Variants in TMEM178A observed in about 807,000 individuals in gnomAD.
TMEM178A encodes transmembrane protein 178A.
TMEM178A carries 12 observed loss-of-function variants against 29.1 expected under a neutral mutation model. The observed-to-expected ratio is 0.41, with a 90% CI of 0.26 to 0.67. TMEM178A has a LOEUF of 0.67. Among genes scored for constraint, TMEM178A ranks in the 30% least tolerant of loss-of-function variants. The probability of loss-of-function intolerance (pLI) is 0.29; values close to 1 mark genes in which losing one functional copy is unlikely to be tolerated. For synonymous variants in TMEM178A, 210 were observed against 187.2 expected (o/e 1.12, Z -0.99); for missense variants, 366 against 419.1 (o/e 0.87, Z 1.11).
chr2:39,707,127 G>C lies in TMEM178A; in HGVS notation c.593G>C (p.Ser198Thr). Residue 198 changes from serine (S) to threonine (T), a missense_variant, in exon 3 of 4, where the codon AGT becomes ACT. Physicochemically the swap from Ser to Thr is moderately conservative, Grantham distance 58. Around this residue, in one of 2 missense-constraint regions of TMEM178A, gnomAD observed 119 missense variants for 172.2 expected, o/e 0.69. Transcript: ENST00000281961. ...TGCGGCTGCATTGTGGCCACAGTCA[G>C]TTTCTTCTGGGAGGAGAGCTTGACC... ...LLCGCIVATVSFFWEESLTQH... is the reference protein window; with the variant it reads ...LLCGCIVATVTFFWEESLTQH... 2.5e-6 allele frequency: 4 copies of C among 1,614,218 alleles called. No homozygotes were observed. The highest frequency in any genetic ancestry group is 2.2e-5 in the South Asian group (2 of 91,070).
chr2:39,733,391 A>T, the TMEM178A span, among the ~76,000 whole-genome samples: 29 of 152,330 alleles, frequency 1.9e-4, 1 homozygote, highest in East Asian at 5.4e-3. Context: ...AACGTGAAGG[A>T]TGCCAATGGA....
At chr2:39,723,001 T>C in the TMEM178A span, among the ~76,000 whole-genome samples, 3 of 152,200 alleles carry the variant, frequency 2.0e-5, no homozygotes, top group Admixed American at 6.5e-5. Flanking sequence ...AACCTTGCTA[T>C]AGCAAGGGTG....
At chr2:39,667,532 A>G (rs531502499) in intron 1 of TMEM178A, among the ~76,000 whole-genome samples, 67 of 152,282 alleles carry the variant, frequency 4.4e-4, no homozygotes, top group African/African-American at 1.6e-3. Flanking sequence ...TTTAATATTT[A>G]GTAGCCATGT....
intron 1 of TMEM178A, among the ~76,000 whole-genome samples, chr2:39,693,753 T>C (rs867649151): frequency 9.9e-5 from 15 of 152,222 alleles, no homozygotes; most frequent in Admixed American, 2.6e-4. Context: ...ACCAACTGTA[T>C]GCCAAGATGG....
intron 1 of TMEM178A, among the ~76,000 whole-genome samples, chr2:39,686,719 T>G (rs1454977393): frequency 5.5e-5 from 8 of 146,058 alleles, no homozygotes; most frequent in South Asian, 4.5e-4. Context: ...ACAGAGTGAG[T>G]GGGGGCTGGG....
intron 1 of TMEM178A, among the ~76,000 whole-genome samples, chr2:39,682,683 C>G (rs981459893): frequency 5.9e-5 from 9 of 152,084 alleles, no homozygotes; most frequent in African/African-American, 2.2e-4. Flanking sequence ...AATGAGAGAC[C>G]CTTAATAAGT....
At chr2:39,715,556 A>C (rs540840402) in intron 3 of TMEM178A, among the ~76,000 whole-genome samples, 6 of 152,224 alleles carry the variant, frequency 3.9e-5, no homozygotes, top group Non-Finnish European at 7.3e-5. Flanking sequence ...TGTTTGCTGT[A>C]ATAAATTGGA....
intron 2 of TMEM178A, among the ~76,000 whole-genome samples, chr2:39,705,549 G>T (rs544097534): frequency 6.6e-6 from 1 of 152,118 alleles, no homozygotes; most frequent in Non-Finnish European, 1.5e-5. Context: ...ACTGCTCCTG[G>T]CCCCTTATTC....
intron 1 of TMEM178A, among the ~76,000 whole-genome samples, chr2:39,684,896 G>A (rs150186205): frequency 1.3e-5 from 2 of 152,092 alleles, no homozygotes; most frequent in East Asian, 1.9e-4. Context: ...CCACCCACAC[G>A]TGCCCCTGGA....
At chr2:39,708,077 G>C (rs1334586479) in intron 3 of TMEM178A, among the ~76,000 whole-genome samples, 5 of 152,218 alleles carry the variant, frequency 3.3e-5, no homozygotes, top group Non-Finnish European at 7.3e-5. Context: ...CATAAACAAT[G>C]ATTTGTGGTA....
At chr2:39,696,612 T>A (rs72803167) in intron 1 of TMEM178A, among the ~76,000 whole-genome samples, 2 of 152,346 alleles carry the variant, frequency 1.3e-5, no homozygotes, top group African/African-American at 2.4e-5. Flanking sequence ...CAAGTCTGTC[T>A]GACCGCAAGG....
chr2:39,680,785 A>G (rs1670835893), intron 1 of TMEM178A, among the ~76,000 whole-genome samples: 1 of 152,216 alleles, frequency 6.6e-6, no homozygotes, highest in Non-Finnish European at 1.5e-5. Flanking sequence ...AAAACATTGT[A>G]GGTTTATTCC....
intron 1 of TMEM178A, among the ~76,000 whole-genome samples, chr2:39,680,820 A>G (rs1032394286): frequency 2.6e-5 from 4 of 152,220 alleles, no homozygotes; most frequent in Non-Finnish European, 4.4e-5. Context: ...AGAGTATTTA[A>G]TACTCATAAT....
intron 1 of TMEM178A, among the ~76,000 whole-genome samples, chr2:39,675,632 G>A (rs1670585045): frequency 6.6e-6 from 1 of 152,076 alleles, no homozygotes; most frequent in Non-Finnish European, 1.5e-5. Flanking sequence ...GTTTTTTAGA[G>A]CATGTTTTTA....
intron 1 of TMEM178A, among the ~76,000 whole-genome samples, chr2:39,693,520 T>C (rs148440587): frequency 5.7e-4 from 87 of 152,336 alleles, no homozygotes; most frequent in African/African-American, 2.0e-3. Context: ...CTTGCCTGTG[T>C]CTGCCTTCTC....
the TMEM178A span, among the ~76,000 whole-genome samples, chr2:39,734,829 T>C: frequency 6.6e-6 from 1 of 152,230 alleles, no homozygotes; most frequent in Non-Finnish European, 1.5e-5. Context: ...TCTTCAGTCA[T>C]TCCTGTCTCC....
At chr2:39,727,878 C>T in the TMEM178A span, among the ~76,000 whole-genome samples, 2 of 152,168 alleles carry the variant, frequency 1.3e-5, no homozygotes, top group African/African-American at 2.4e-5. Context: ...CATGTCCCTG[C>T]AAAGGACATG....
intron 2 of TMEM178A, among the ~76,000 whole-genome samples, chr2:39,706,206 G>T (rs1464268890): frequency 6.6e-6 from 1 of 152,090 alleles, no homozygotes; most frequent in African/African-American, 2.4e-5. Context: ...CTGGCTCAGT[G>T]ATCACAGTTG....
At chr2:39,694,648 G>T (rs537595959) in intron 1 of TMEM178A, among the ~76,000 whole-genome samples, 1 of 152,142 alleles carries the variant, frequency 6.6e-6, no homozygotes, top group Non-Finnish European at 1.5e-5. Flanking sequence ...GAAAAGAGAT[G>T]TGCTATAAGT....
Sources: allele counts gnomAD v4.1 joint callset (sites outside exome capture counted in the v4.1 genomes callset), GRCh38; gene constraint gnomAD v4.1.1; regional missense constraint gnomAD v4.1.1; transcripts MANE v1.5; gene names NCBI Gene and HGNC (gene_info 2026-07-23, HGNC 2026-07-21).